Variants in PSD3 observed in about 807,000 individuals in gnomAD.
PSD3 encodes the protein pleckstrin and Sec7 domain containing 3, also known as PH and SEC7 domain-containing protein 3.
PSD3 carries 49 observed loss-of-function variants against 105.5 expected under a neutral mutation model. That is an observed-to-expected ratio of 0.46 (90% CI 0.37 to 0.59). The LOEUF (loss-of-function observed/expected upper bound fraction) is 0.59, where lower values mean the gene tolerates loss of function less well. Among genes scored for constraint, PSD3 ranks in the 20% least tolerant of loss-of-function variants. The pLI is 0.00. For missense variants in PSD3, 1,561 were observed against 1,263.8 expected (o/e 1.24, Z -3.57); for synonymous variants, 557 against 457.8 (o/e 1.22, Z -2.77).
intron 15 of PSD3, among the ~76,000 whole-genome samples, chr8:18,549,739 C>T (rs1800655605): frequency 6.6e-6 from 1 of 152,332 alleles, no homozygotes; most frequent in South Asian, 2.1e-4. Flanking sequence ...AGGTGGTTTA[C>T]ATTTATTTCT....
intron 1 of PSD3, among the ~76,000 whole-genome samples, chr8:18,957,787 A>G (rs1189670059): frequency 1.3e-5 from 2 of 152,180 alleles, no homozygotes; most frequent in Non-Finnish European, 2.9e-5. Flanking sequence ...TCATGAGATC[A>G]CCAAGTTAAT....
In PSD3 at chr8:18,535,758, C is replaced by T. The variant is rs745613031; in HGVS notation, c.3129G>A (p.Lys1043=). 4 of 1,612,918 alleles carry T rather than the reference C, an allele frequency of 2.5e-6. No individual in the cohort carries two copies. Among genetic ancestry groups the T allele is most frequent in the Middle Eastern group, 1.6e-4 (1 of 6,080 alleles). Residue 1043 remains lysine, a synonymous_variant, in exon 16 of 16, where the codon AAG becomes AAA. Coordinates refer to ENST00000327040, the MANE Select transcript of PSD3 (RefSeq NM_015310.4). ...KDHRPETPSI[K]QKVT ...CAGATGGACTCTAAGTAACTTTTTGCTTAATGCTTGGTGTTTCAGGTCGGT... is the reference window on the plus strand; with the variant it reads ...CAGATGGACTCTAAGTAACTTTTTGTTTAATGCTTGGTGTTTCAGGTCGGT...
At chr8:18,662,837 C>A (rs1439316329) in intron 9 of PSD3, among the ~76,000 whole-genome samples, 1 of 152,134 alleles carries the variant, frequency 6.6e-6, no homozygotes, top group Non-Finnish European at 1.5e-5. Flanking sequence ...CTCTCAAATC[C>A]TAGGCACAGC....
At chr8:18,972,399 A>G (rs2129472111) in intron 1 of PSD3, among the ~76,000 whole-genome samples, 1 of 152,372 alleles carries the variant, frequency 6.6e-6, no homozygotes, top group Admixed American at 6.5e-5. Context: ...GATGTGATCA[A>G]AGAGCAGCAG....
At chr8:18,665,460 G>A (rs948592349) in intron 9 of PSD3, among the ~76,000 whole-genome samples, 2 of 152,254 alleles carry the variant, frequency 1.3e-5, no homozygotes, top group African/African-American at 4.8e-5. Flanking sequence ...ATGAACAGAT[G>A]AGGATTTGTA....
chr8:18,741,404 G>A (rs534966531), intron 9 of PSD3, among the ~76,000 whole-genome samples: 1 of 152,284 alleles, frequency 6.6e-6, no homozygotes, highest in East Asian at 1.9e-4. Flanking sequence ...TCTTTCCCTA[G>A]AGTTTGTTAC....
At chr8:18,873,118 G>A (rs192120796) in intron 2 of PSD3, among the ~76,000 whole-genome samples, 1 of 152,252 alleles carries the variant, frequency 6.6e-6, no homozygotes, top group African/African-American at 2.4e-5. Flanking sequence ...TGTATATTGG[G>A]CTTAACACTA....
chr8:18,604,940 G>A (rs1804706215), intron 11 of PSD3, among the ~76,000 whole-genome samples: 1 of 152,220 alleles, frequency 6.6e-6, no homozygotes, highest in Admixed American at 6.5e-5. Context: ...GATTTCACAG[G>A]ATATATGAAA....
At position 19,061,270 on chromosome 8, in the gene PSD3, A is replaced by T. The variant is rs141146174; in HGVS notation, c.324+22936T>A. On this transcript the variant is annotated intron_variant, in intron 1 of 1. Transcript: ENST00000521475. ...ACAAACAAACAAAAAAGATGAAGTC[A>T]TTCAGTTGGTCAAGATCCTTATAAT... 2.8e-3 allele frequency among the ~76,000 whole-genome samples: 426 copies of T among 152,336 alleles called. 4 individuals carry two copies. The highest frequency in any genetic ancestry group is 4.5e-3 in the Non-Finnish European group (308 of 68,028).
At chr8:18,612,517 C>T (rs547354573) in intron 11 of PSD3, among the ~76,000 whole-genome samples, 11 of 152,184 alleles carry the variant, frequency 7.2e-5, no homozygotes, top group East Asian at 3.9e-4. Flanking sequence ...GGACTACAGG[C>T]GCCCGCCACC....
chr8:18,939,179 T>A (rs904589268), intron 1 of PSD3, among the ~76,000 whole-genome samples: 1 of 152,212 alleles, frequency 6.6e-6, no homozygotes, highest in Non-Finnish European at 1.5e-5. Flanking sequence ...TAAAGCAAGG[T>A]TCCCCTTGAG....
chr8:18,859,296 G>C (rs1002857349), intron 4 of PSD3, among the ~76,000 whole-genome samples: 12 of 146,430 alleles, frequency 8.2e-5, no homozygotes, highest in African/African-American at 3.1e-4. Flanking sequence ...AAATCATGCT[G>C]TCAGCAGATG....
At chr8:19,040,024 C>G (rs868664278) in intron 1 of PSD3, among the ~76,000 whole-genome samples, 1 of 152,036 alleles carries the variant, frequency 6.6e-6, no homozygotes, top group Non-Finnish European at 1.5e-5. Flanking sequence ...GAGATGATAT[C>G]TGGGCACCAA....
At chr8:18,910,249 A>T (rs1820121019) in intron 2 of PSD3, among the ~76,000 whole-genome samples, 1 of 148,356 alleles carries the variant, frequency 6.7e-6, no homozygotes, top group Non-Finnish European at 1.5e-5. Flanking sequence ...AATGTCCAAC[A>T]ATGATAGACT....
At chr8:18,554,150 T>G (rs1171035696) in intron 15 of PSD3, among the ~76,000 whole-genome samples, 20 of 152,126 alleles carry the variant, frequency 1.3e-4, no homozygotes, top group Admixed American at 1.2e-3. Context: ...CCCCACCTCC[T>G]GGGGACAGGC....
At chr8:18,892,063 G>T (rs984247171) in intron 2 of PSD3, among the ~76,000 whole-genome samples, 4 of 152,034 alleles carry the variant, frequency 2.6e-5, no homozygotes, top group African/African-American at 9.7e-5. Flanking sequence ...TGAACATAAA[G>T]AAGAGCCGAA....
chr8:18,752,608 A>T (rs1481045932), intron 9 of PSD3, among the ~76,000 whole-genome samples: 3 of 66,412 alleles, frequency 4.5e-5, no homozygotes, highest in Non-Finnish European at 8.0e-5. Context: ...TATTATATAT[A>T]ATACATATAA....
intron 9 of PSD3, among the ~76,000 whole-genome samples, chr8:18,693,879 G>C (rs1801115846): frequency 6.6e-6 from 1 of 152,200 alleles, no homozygotes; most frequent in Admixed American, 6.5e-5. Flanking sequence ...TTTGGAGCCA[G>C]GAATCCTGGC....
intron 9 of PSD3, among the ~76,000 whole-genome samples, chr8:18,726,964 C>A (rs561457796): frequency 1.3e-5 from 2 of 152,214 alleles, no homozygotes; most frequent in African/African-American, 2.4e-5. Flanking sequence ...GAGGCAGAGG[C>A]AGGAGGATCA....
Sources: allele counts gnomAD v4.1 joint callset (sites outside exome capture counted in the v4.1 genomes callset), GRCh38; gene constraint gnomAD v4.1.1; transcripts MANE v1.5; gene names NCBI Gene and HGNC (gene_info 2026-07-23, HGNC 2026-07-21).